Variants in LTF observed in about 807,000 individuals in gnomAD.
LTF encodes epididymis luminal protein 110.
Under a neutral mutation model 87.2 loss-of-function variants are expected in LTF, and 91 were observed. That is an observed-to-expected ratio of 1.04 (90% CI 0.88 to 1.24). LTF has a LOEUF of 1.24. Ranked by LOEUF, LTF falls within the 50% of genes most tolerant of loss-of-function variation. The pLI is 0.00. For synonymous variants in LTF, 378 were observed against 356.1 expected, an observed-to-expected ratio of 1.06 and a Z score of -0.69; for missense variants, 901 against 904.3, an observed-to-expected ratio of 1.00 and a Z score of 0.05.
rs1461677362 is a variant in LTF, at chr3:46,482,602, A to AAAG, written c.-320+2381_-320+2383dup. 8.5e-5 allele frequency among the ~76,000 whole-genome samples: 12 copies of AAAG among 141,488 alleles called. 1 individual carries two copies. The highest frequency in any genetic ancestry group is 2.1e-4 in the East Asian group (1 of 4,742). The allele number at this position is 141,488 out of a possible 152,430, so 92.8% of individuals were successfully genotyped here. A position where few individuals can be genotyped will look rare whatever the true frequency, so the allele number is the denominator to read the frequency against. On this transcript the variant is annotated intron_variant, in intron 1 of 19. Transcript: ENST00000443496. ...AAGGAAGGGAGAAAGAGAGAGAAAG[A>AAAG]AAGAAAGAAGAAAGAAAGAAAGAAA...
rs769239128 is a variant in LTF at position 46,439,500 on chromosome 3, G to A, written c.1724-20C>T. On this transcript the variant is annotated intron_variant, in intron 14 of 16. Coordinates refer to ENST00000231751, the MANE Select transcript of LTF (RefSeq NM_002343.6). ...TATTTCCTGGGGAGAAAAAGAAGGT[G>A]GCATCATCCACGCCTCCCCTGCTTA... 6.3e-7 allele frequency: 1 copy of A among 1,587,042 alleles called. No homozygotes were observed. The highest frequency in any genetic ancestry group is 2.2e-5 in the East Asian group (1 of 44,582).
intron 2 of LTF, among the ~76,000 whole-genome samples, chr3:46,458,991 A>C (rs191405874): frequency 6.6e-6 from 1 of 152,366 alleles, no homozygotes; most frequent in East Asian, 1.9e-4. Context: ...AGATAATCCT[A>C]TGAAGTTGCC....
At chr3:46,437,320 AT>A (rs10667876) in intron 16 of LTF, among the ~76,000 whole-genome samples, 298 of 131,442 alleles carry the variant, frequency 2.3e-3, no homozygotes, top group African/African-American at 4.0e-3. Flanking sequence ...CTAGAATCAG[AT>A]TTTTTTTTTT....
At chr3:46,455,105 G>A (rs1702893983) in intron 5 of LTF, among the ~76,000 whole-genome samples, 190 bp downstream of exon 5, 1 of 152,198 alleles carries the variant, frequency 6.6e-6, no homozygotes, top group Non-Finnish European at 1.5e-5. Context: ...GGCACAGTTG[G>A]GCCCGGAAGG....
chr3:46,463,897 G>T (rs1388485252), intron 1 of LTF, among the ~76,000 whole-genome samples: 2 of 152,212 alleles, frequency 1.3e-5, no homozygotes, highest in African/African-American at 4.8e-5. Flanking sequence ...GATGGGTTTG[G>T]GCTCCCACTG....
intron 12 of LTF, among the ~76,000 whole-genome samples, chr3:46,444,730 T>C (rs1702602792): frequency 6.6e-6 from 1 of 152,196 alleles, no homozygotes; most frequent in Non-Finnish European, 1.5e-5. Context: ...CTACACACCA[T>C]GCCACGGGGC....
chr3:46,458,392 A>T (rs1702991376), intron 2 of LTF, among the ~76,000 whole-genome samples: 1 of 152,188 alleles, frequency 6.6e-6, no homozygotes, highest in African/African-American at 2.4e-5. Context: ...TCAAACAGGG[A>T]TCTTATTTTC....
At chr3:46,448,249 C>T (rs907601475) in intron 9 of LTF, among the ~76,000 whole-genome samples, 1 of 151,866 alleles carries the variant, frequency 6.6e-6, no homozygotes, top group South Asian at 2.1e-4. Context: ...TGCCTGTAGC[C>T]CCAGCTACTT....
upstream of LTF, among the ~76,000 whole-genome samples, chr3:46,466,624 G>A (rs911819515): frequency 1.3e-5 from 2 of 152,202 alleles, no homozygotes; most frequent in South Asian, 2.1e-4. Context: ...CCATGAGACT[G>A]GGGTCTGAGA....
upstream of LTF, among the ~76,000 whole-genome samples, chr3:46,467,034 G>A (rs4683236): frequency 0.25 from 38,606 of 152,010 alleles, 5,258 homozygotes; most frequent in African/African-American, 0.36. Context: ...AGGCAGCATG[G>A]GTAGGCAACA....
At chr3:46,441,192 T>TGTGA (rs1553661489) in intron 14 of LTF, among the ~76,000 whole-genome samples, 24,783 of 151,746 alleles carry the variant, frequency 0.16, 2,250 homozygotes, top group South Asian at 0.31. Context: ...TGTGTGTGTG[T>TGTGA]GAGAGAAAGA....
chr3:46,476,679 A>G (rs1487036128), intron 1 of LTF, among the ~76,000 whole-genome samples: 4 of 152,250 alleles, frequency 2.6e-5, no homozygotes, highest in African/African-American at 4.8e-5. Flanking sequence ...TTACCCGCCC[A>G]CAAAAACTCT....
chr3:46,479,713 G>A lies in LTF; in HGVS notation c.-320+5273C>T, dbSNP rs546241164. On this transcript the variant is annotated intron_variant, in intron 1 of 19. Coordinates refer to the LTF transcript ENST00000443496. ...TAATTTTTGTATTTTTAGTAGAGAC[G>A]GGGTTTCACCATGGCTGGTTTCTAG... Among the ~76,000 whole-genome samples the A allele has an allele frequency of 9.2e-5, 14 of 152,212 alleles. No individual in the cohort carries two copies. In the East Asian group the frequency reaches 2.1e-3, roughly 23 times the overall value.
chr3:46,443,625 T>A (rs748027016), intron 12 of LTF, 43 bp from the exon 13 acceptor site: 22 of 1,609,564 alleles, frequency 1.4e-5, no homozygotes, highest in Non-Finnish European at 1.7e-5. Context: ...CAAACCTGAG[T>A]CCACACAAGC....
intron 9 of LTF, 24 bp downstream of exon 9, chr3:46,448,839 C>T (rs375244234): frequency 3.7e-4 from 589 of 1,609,150 alleles, no homozygotes; most frequent in Non-Finnish European, 4.7e-4. Flanking sequence ...GCCCACCGCC[C>T]GCCCCTGTGA....
chr3:46,445,802 A>G (rs1479186124), intron 11 of LTF, among the ~76,000 whole-genome samples: 1 of 152,222 alleles, frequency 6.6e-6, no homozygotes, highest in Non-Finnish European at 1.5e-5. Flanking sequence ...TAAATCACCA[A>G]CCACAGTGTG....
At chr3:46,455,768 G>A in intron 4 of LTF, 28 bp downstream of exon 4, 3 of 1,538,934 alleles carry the variant, frequency 1.9e-6, no homozygotes, top group Non-Finnish European at 2.6e-6. Context: ...CCTGCCTGAG[G>A]CCACTCACTA....
At chr3:46,477,664 CAT>C (rs1328078455) in intron 1 of LTF, among the ~76,000 whole-genome samples, 1 of 152,230 alleles carries the variant, frequency 6.6e-6, no homozygotes, top group East Asian at 1.9e-4. Flanking sequence ...GTGCCCAGCA[CAT>C]AGGGGCTGCT....
At chr3:46,461,868 C>T (rs1279689498) in intron 1 of LTF, among the ~76,000 whole-genome samples, 1 of 152,110 alleles carries the variant, frequency 6.6e-6, no homozygotes, top group African/African-American at 2.4e-5. Flanking sequence ...GTTGTAAAAG[C>T]CCTCTGCCCT....
Sources: gnomAD v4.1 joint callset for allele counts (sites outside exome capture counted in the v4.1 genomes callset) on GRCh38, gnomAD v4.1.1 for gene constraint, MANE v1.5 for transcripts, NCBI Gene and HGNC (gene_info 2026-07-23, HGNC 2026-07-21) for gene names.